RORB: variants seen among roughly 807,000 people sequenced by gnomAD.
The protein encoded by RORB is nuclear receptor ROR-beta.
In RORB, 6 loss-of-function variants were observed where a neutral mutation model predicts 59.1. The ratio of observed to expected loss-of-function variants is 0.10; its 90% CI spans 0.06 to 0.20. The LOEUF (loss-of-function observed/expected upper bound fraction) is 0.20, where lower values mean the gene tolerates loss of function less well. RORB is among the 10% of genes least tolerant of loss of function. The pLI, the probability that RORB is intolerant of heterozygous loss-of-function variation, is 1.00. For synonymous variants in RORB, 215 were observed against 204.5 expected, an observed-to-expected ratio of 1.05 and a Z score of -0.44; for missense variants, 320 against 560.5, an observed-to-expected ratio of 0.57 and a Z score of 4.33.
At chr9:74,576,828 T>G (rs780689224) in intron 1 of RORB, among the ~76,000 whole-genome samples, 1 of 152,114 alleles carries the variant, frequency 6.6e-6, no homozygotes, top group African/African-American at 2.4e-5. Flanking sequence ...CTACATGCCA[T>G]GTACCAGCAA....
chr9:74,566,882 G>A (rs1182695632), intron 1 of RORB, among the ~76,000 whole-genome samples: 1 of 152,208 alleles, frequency 6.6e-6, no homozygotes, highest in Non-Finnish European at 1.5e-5. Context: ...TAGTATTTCA[G>A]TTATTCAGCC....
rs1408427518 is a variant in RORB at position 74,642,792 on chromosome 9, C to T, written c.614C>T (p.Pro205Leu). The T allele has an allele frequency of 6.3e-7, 1 of 1,595,254 alleles. No homozygotes were observed. The highest frequency in any genetic ancestry group is 1.3e-5 in the African/African-American group (1 of 74,564). The change falls in exon 4 of 10, where the codon CCA becomes CTA. Residue 205 changes from proline to leucine, a missense_variant. By Grantham distance (98) the Pro-to-Leu change is moderately conservative. Around this residue, in one of 4 missense-constraint regions of RORB, gnomAD observed 134 missense variants for 156.2 expected, o/e 0.86. Transcript: ENST00000376896. ...YSSFNNGQLA[P>L]GITMTEIDRI... ...TCTTTCAACAATGGGCAGTTAGCAC[C>T]AGGGATAACCATGACTGAAATCGGT...
At position 74,685,467 on chromosome 9, in the gene RORB, T is replaced by C. The variant is rs1262408980; in HGVS notation, c.1229T>C (p.Ile410Thr). ...CTCTGTCTCTCCGTTCTGCAGTTAA[T>C]AGCCAAGATACCAACCATCACGGCA... The part of the protein sequence containing the change: ...HLDDETLAKL[I>T]AKIPTITAVC... Residue 410 changes from isoleucine to threonine, a missense_variant, in exon 10 of 10, where the codon ATA becomes ACA. This residue lies in a region of RORB where 109 missense variants were observed against 171.0 expected (regional missense o/e 0.64). Coordinates refer to ENST00000376896, the MANE Select transcript of RORB (RefSeq NM_006914.4). 10 of 1,608,528 alleles carry C rather than the reference T, an allele frequency of 6.2e-6. No homozygotes were observed. Among genetic ancestry groups the C allele is most frequent in the African/African-American group, 1.3e-5 (1 of 74,840 alleles).
intron 1 of RORB, among the ~76,000 whole-genome samples, chr9:74,606,722 G>C (rs898702722): frequency 6.6e-6 from 1 of 152,216 alleles, no homozygotes; most frequent in East Asian, 1.9e-4. Flanking sequence ...ACAGAGCTAA[G>C]TTGGTTTAAC....
At chr9:74,649,474 A>G (rs1563963908) in intron 4 of RORB, among the ~76,000 whole-genome samples, 1 of 152,204 alleles carries the variant, frequency 6.6e-6, no homozygotes, top group East Asian at 1.9e-4. Context: ...TACCATGGTT[A>G]CATCTATAGT....
At chr9:74,644,299 C>CA (rs1437997119) in intron 4 of RORB, among the ~76,000 whole-genome samples, 3 of 151,886 alleles carry the variant, frequency 2.0e-5, no homozygotes, top group African/African-American at 7.3e-5. Flanking sequence ...GAGAGACACA[C>CA]AAAAAAAGAA....
At chr9:74,666,124 C>A (rs981223335) in intron 7 of RORB, among the ~76,000 whole-genome samples, 3 of 151,816 alleles carry the variant, frequency 2.0e-5, no homozygotes, top group African/African-American at 7.3e-5. Context: ...CAGTCTCTTG[C>A]AAAAATACAA....
At chr9:74,522,966 G>A (rs1486531944) in intron 1 of RORB, among the ~76,000 whole-genome samples, 1 of 151,846 alleles carries the variant, frequency 6.6e-6, no homozygotes, top group African/African-American at 2.4e-5. Flanking sequence ...TTATAGGATA[G>A]GGATGGTGCC....
rs192421288 is a variant in RORB at position 74,519,363 on chromosome 9, A to G, written c.7+21380A>G. 1.8e-4 allele frequency among the ~76,000 whole-genome samples: 27 copies of G among 152,108 alleles called. No individual in the cohort carries two copies. The East Asian group carries it at 5.2e-3, about 30-fold the overall frequency. ...GGAATTCAATGAAGGGAGATTCTTT[A>G]GCCTTTCCTTCAAGTACATCTTTCT... On this transcript the variant is annotated intron_variant, in intron 1 of 9. Transcript: ENST00000376896.
At chr9:74,598,137 A>T (rs1823000057) in intron 1 of RORB, among the ~76,000 whole-genome samples, 1 of 152,104 alleles carries the variant, frequency 6.6e-6, no homozygotes, top group Non-Finnish European at 1.5e-5. Flanking sequence ...GACTGTGCTG[A>T]TCTGCAACTC....
chr9:74,535,684 C>T (rs1476037517), intron 1 of RORB, among the ~76,000 whole-genome samples: 1 of 151,910 alleles, frequency 6.6e-6, no homozygotes, highest in East Asian at 1.9e-4. Context: ...TGTCTGGCTG[C>T]TTCAGAAATG....
At chr9:74,578,408 T>A (rs912048807) in intron 1 of RORB, among the ~76,000 whole-genome samples, 1 of 152,092 alleles carries the variant, frequency 6.6e-6, no homozygotes, top group Admixed American at 6.6e-5. Flanking sequence ...CATTATTTGG[T>A]TGAGTAAAGT....
intron 1 of RORB, among the ~76,000 whole-genome samples, chr9:74,523,253 C>A (rs1350032860): frequency 1.3e-5 from 2 of 151,568 alleles, no homozygotes; most frequent in South Asian, 2.1e-4. Flanking sequence ...ATCCTTTCAT[C>A]TTTTCGTCTT....
chr9:74,601,358 G>A (rs1008451430), intron 1 of RORB, among the ~76,000 whole-genome samples: 5 of 138,516 alleles, frequency 3.6e-5, no homozygotes, highest in African/African-American at 1.3e-4. Context: ...ATTTTGCATA[G>A]AGAATATGTG....
At chr9:74,584,203 A>G (rs1587370186) in intron 1 of RORB, among the ~76,000 whole-genome samples, 1 of 152,192 alleles carries the variant, frequency 6.6e-6, no homozygotes, top group South Asian at 2.1e-4. Flanking sequence ...GTGCGGTCTT[A>G]CCAATTATGT....
At chr9:74,605,689 G>C (rs117242912) in intron 1 of RORB, among the ~76,000 whole-genome samples, 30 of 152,158 alleles carry the variant, frequency 2.0e-4, no homozygotes, top group Non-Finnish European at 3.5e-4. Context: ...TAAAAAGTAC[G>C]TCTTTCTTGA....
chr9:74,584,062 C>T (rs898163839), intron 1 of RORB, among the ~76,000 whole-genome samples: 5 of 152,190 alleles, frequency 3.3e-5, no homozygotes, highest in Non-Finnish European at 5.9e-5. Flanking sequence ...TCTTGACAGC[C>T]ATAAACACTT....
rs140124601 is a variant in RORB at position 74,606,363 on chromosome 9, A to G, written c.8-23919A>G. ...GTTAGAAAGATGTAGTTCTTCAATG[A>G]TGCTAAATCCACATTTAGTTTGGCA... is the stretch of plus-strand genomic sequence containing the variant. On this transcript the variant is annotated intron_variant, in intron 1 of 9. Coordinates refer to ENST00000376896, the MANE Select transcript of RORB (RefSeq NM_006914.4). 2.1e-4 allele frequency among the ~76,000 whole-genome samples: 32 copies of G among 152,322 alleles called. 2 individuals are homozygous for G. The East Asian group carries it at 5.0e-3, about 24-fold the overall frequency.
At chr9:74,559,656 A>C (rs1822364521) in intron 1 of RORB, among the ~76,000 whole-genome samples, 1 of 152,168 alleles carries the variant, frequency 6.6e-6, no homozygotes, top group Admixed American at 6.6e-5. Context: ...GGACCTTTGG[A>C]CTTTAAAGAT....
Sources: allele counts gnomAD v4.1 joint callset (sites outside exome capture counted in the v4.1 genomes callset), GRCh38; gene constraint gnomAD v4.1.1; regional missense constraint gnomAD v4.1.1; transcripts MANE v1.5; gene names NCBI Gene and HGNC (gene_info 2026-07-23, HGNC 2026-07-21).